RBM10: variants seen among roughly 807,000 people sequenced by gnomAD.
The protein encoded by RBM10 is RNA-binding protein 10.
In RBM10, 1 loss-of-function variant was observed where a neutral mutation model predicts 84.9. The observed-to-expected ratio is 0.01, with a 90% CI of 0.00 to 0.06. The LOEUF is 0.06. RBM10 is among the 10% of genes least tolerant of loss of function. RBM10 has a pLI of 1.00. For synonymous variants in RBM10, 326 were observed against 344.5 expected (o/e 0.95, Z 0.60); for missense variants, 438 against 839.0 (o/e 0.52, Z 5.90).
At position 47,171,126 on chromosome X, in the gene RBM10, CGACTATCGGGACCAG is replaced by C; in HGVS notation, c.310_324del (p.Asp104_Arg108del). 8.3e-7 allele frequency: 1 copy of C among 1,210,596 alleles called. No homozygotes were observed. Among genetic ancestry groups the C allele is most frequent in the Non-Finnish European group, 1.1e-6 (1 of 895,127 alleles). ...GCCCGCCAGGCTTCCCCCGAGACGG[CGACTATCGGGACCAG>C]GACTATCGGACCGAGCAAGGGGAGG... On this transcript the variant is annotated inframe_deletion, in exon 4 of 24. Transcript: ENST00000377604.
rs2147155994 is a variant in RBM10, at chrX:47,176,501, A to T, written c.578A>T (p.His193Leu). The change falls in exon 7 of 24, where the codon CAC (histidine) becomes CTC (leucine). Residue 193 changes from histidine to leucine, a missense_variant and splice_region_variant. Around this residue, in one of 8 missense-constraint regions of RBM10, gnomAD observed 28 missense variants for 98.6 expected, o/e 0.28. Transcript: ENST00000377604. ...DATRWMEANQ[H>L]SLNILGQKVS... is the part of the protein sequence containing the mutation. ...ACTGTGCTCTGCTTTTTCCCGCAGCACTCCCTCAACATCCTGGGCCAGAAG... is the reference window on the plus strand; with the variant it reads ...ACTGTGCTCTGCTTTTTCCCGCAGCTCTCCCTCAACATCCTGGGCCAGAAG... 1 of 1,210,414 alleles carries T rather than the reference A, an allele frequency of 8.3e-7. No homozygotes were observed. Among genetic ancestry groups the T allele is most frequent in the South Asian group, 1.8e-5 (1 of 56,905 alleles).
intron 2 of RBM10, among the ~76,000 whole-genome samples, chrX:47,163,911 C>T (rs1026683477): frequency 4.5e-5 from 4 of 89,580 alleles, no homozygotes; most frequent in African/African-American, 1.8e-4. Context: ...CTCTGTCGCC[C>T]AGGCTGGAGT....
At chrX:47,173,536 CCTTT>C (rs1556774587) in intron 5 of RBM10, among the ~76,000 whole-genome samples, 1 of 112,344 alleles carries the variant, frequency 8.9e-6, no homozygotes, top group African/African-American at 3.2e-5. Flanking sequence ...CCTTCCCTCT[CCTTT>C]CTTCTCCTTC....
intron 7 of RBM10, among the ~76,000 whole-genome samples, chrX:47,177,908 C>T (rs782562510): frequency 2.7e-5 from 3 of 111,983 alleles, no homozygotes; most frequent in Admixed American, 9.4e-5. Flanking sequence ...TGAGCCACCA[C>T]GCCCAGCCCA....
Position 47,173,202 on chromosome X carries a change from G to T in RBM10, c.502+5G>T. On this transcript the variant is annotated splice_donor_5th_base_variant and intron_variant, in intron 5 of 23. Coordinates refer to ENST00000377604, the MANE Select transcript of RBM10 (RefSeq NM_005676.5). ...TGATGCGGAACAAATCTTCAGGTGA[G>T]CTTTTGTTCTAGTGCCCTCCCCTTC... is the stretch of plus-strand genomic sequence containing the variant. 8.3e-7 allele frequency: 1 copy of T among 1,212,001 alleles called. No homozygotes were observed. The highest frequency in any genetic ancestry group is 3.0e-5 in the East Asian group (1 of 33,824).
intron 1 of RBM10, among the ~76,000 whole-genome samples, chrX:47,147,093 C>T (rs781878799): frequency 8.9e-6 from 1 of 111,864 alleles, no homozygotes; most frequent in African/African-American, 3.2e-5. Context: ...GTGGCCCCGC[C>T]AGGTCTCTCT....
intron 5 of RBM10, among the ~76,000 whole-genome samples, chrX:47,174,293 T>A (rs2147147228): frequency 9.0e-6 from 1 of 110,785 alleles, no homozygotes; most frequent in African/African-American, 3.3e-5. Flanking sequence ...ACCTCTAAGG[T>A]CCTCCTGGCC....
At chrX:47,157,173 ACT>A (rs1368038822) in intron 2 of RBM10, 15 of 257,684 alleles carry the variant, frequency 5.8e-5, no homozygotes, top group South Asian at 8.0e-5. Flanking sequence ...ACCAATGATG[ACT>A]CTGGCTTTGA....
chrX:47,170,896 C>T, intron 3 of RBM10, 132 bp from the exon 4 acceptor site: 1 of 659,495 alleles, frequency 1.5e-6, no homozygotes, highest in South Asian at 2.5e-5. Flanking sequence ...CCCTGCCTGC[C>T]TGAGCCTTTA....
intron 9 of RBM10, 92 bp from the exon 10 acceptor site, chrX:47,179,788 G>C: frequency 4.7e-6 from 5 of 1,056,760 alleles, no homozygotes; most frequent in East Asian, 3.3e-5. Context: ...CGGAGTGAGT[G>C]GGGGCAGAGG....
intron 2 of RBM10, among the ~76,000 whole-genome samples, chrX:47,150,673 G>A (rs1382646143): frequency 8.9e-6 from 1 of 112,034 alleles, no homozygotes; most frequent in Non-Finnish European, 1.9e-5. Flanking sequence ...GATCCGTCTT[G>A]AGTGATGTGA....
chrX:47,177,506 TAAAA>T (rs200402562), intron 7 of RBM10, among the ~76,000 whole-genome samples: 1 of 108,187 alleles, frequency 9.2e-6, no homozygotes, highest in African/African-American at 3.3e-5. Flanking sequence ...GCATCTGTTT[TAAAA>T]AAAAAAGTCC....
chrX:47,179,259 G>A (rs2147166399), intron 8 of RBM10, 60 bp from the exon 9 acceptor site: 1 of 1,186,060 alleles, frequency 8.4e-7, no homozygotes, highest in African/African-American at 1.7e-5. Flanking sequence ...ATAGGGAGGA[G>A]GGTGACCAGT....
At chrX:47,181,070 G>A in intron 12 of RBM10, 145 bp from the exon 13 acceptor site, 2 of 455,299 alleles carry the variant, frequency 4.4e-6, no homozygotes, top group Non-Finnish European at 3.8e-6. Context: ...GGCAACCCTC[G>A]CTTTCCACTT....
chrX:47,186,000 ATGCCTGTGT>A (rs2147221787), intron 21 of RBM10, 56 bp from the exon 22 acceptor site: 4 of 1,180,153 alleles, frequency 3.4e-6, no homozygotes, highest in Non-Finnish European at 4.6e-6. Flanking sequence ...CCCACTCCCC[ATGCCTGTGT>A]TGCCTGAGAA....
At chrX:47,174,120 C>G (rs1252416378) in intron 5 of RBM10, among the ~76,000 whole-genome samples, 1 of 108,846 alleles carries the variant, frequency 9.2e-6, no homozygotes, top group Non-Finnish European at 1.9e-5. Flanking sequence ...CCCTGAATCC[C>G]TTTCCCAAGC....
Position 47,180,957 on chromosome X carries a change from G to A in RBM10, c.1249-258G>A, listed in dbSNP as rs781973367. On this transcript the variant is annotated intron_variant, in intron 12 of 23. Coordinates refer to ENST00000377604, the MANE Select transcript of RBM10 (RefSeq NM_005676.5). ...CCTTGGCCTGACACCCAACACACAC[G>A]CCACACACAGCAGAATCAGCAGAAT... Among the ~76,000 whole-genome samples, 342 of 111,496 alleles carry A rather than the reference G, an allele frequency of 3.1e-3. 2 individuals carry two copies. Among genetic ancestry groups the A allele is most frequent in the Non-Finnish European group, 5.0e-3 (265 of 53,014 alleles).
chrX:47,157,487 G>C, intron 2 of RBM10: 1 of 397,848 alleles, frequency 2.5e-6, no homozygotes, highest in South Asian at 3.3e-5. Flanking sequence ...CCCCGCACAG[G>C]CTTGTGACCT....
intron 7 of RBM10, among the ~76,000 whole-genome samples, chrX:47,178,276 G>A (rs1034173204): frequency 2.7e-5 from 3 of 111,215 alleles, no homozygotes; most frequent in Non-Finnish European, 5.7e-5. Context: ...CACCAGTTTC[G>A]GAAAGTCCAT....
Sources: allele counts gnomAD v4.1 joint callset (sites outside exome capture counted in the v4.1 genomes callset), GRCh38; gene constraint gnomAD v4.1.1; regional missense constraint gnomAD v4.1.1; transcripts MANE v1.5; gene names NCBI Gene and HGNC (gene_info 2026-07-23, HGNC 2026-07-21).